LOC400499: variants seen among roughly 807,000 people sequenced by gnomAD.
chr16:11,463,535 T>G, the LOC400499 span, among the ~76,000 whole-genome samples: 1 of 152,206 alleles, frequency 6.6e-6, no homozygotes, highest in African/African-American at 2.4e-5. Context: ...TGTGTCTGTA[T>G]GTAGACATGT....
the LOC400499 span, among the ~76,000 whole-genome samples, chr16:11,429,886 G>A: frequency 6.6e-6 from 1 of 152,142 alleles, no homozygotes; most frequent in Admixed American, 6.5e-5. Context: ...AACTAGGAGG[G>A]TCACAATTCC....
At chr16:11,465,590 G>C in the LOC400499 span, 12 of 145,970 alleles carry the variant, frequency 8.2e-5, no homozygotes, top group African/African-American at 3.1e-4. Context: ...AACATAGTAA[G>C]ACCTCGTCTT....
At chr16:11,432,579 T>C in the LOC400499 span, among the ~76,000 whole-genome samples, 1 of 152,208 alleles carries the variant, frequency 6.6e-6, no homozygotes, top group African/African-American at 2.4e-5. Flanking sequence ...AGGGTCATAA[T>C]GAGTGATTGA....
chr16:11,440,925 C>G, the LOC400499 span: 1 of 399,106 alleles, frequency 2.5e-6, no homozygotes, highest in East Asian at 3.6e-5. Flanking sequence ...TCTGCCCAAT[C>G]TGGGGACCCA....
At chr16:11,477,946 G>A in the LOC400499 span, 2 of 399,014 alleles carry the variant, frequency 5.0e-6, no homozygotes, top group Non-Finnish European at 8.8e-6. Context: ...CAGACACGGT[G>A]GGAAAGACCA....
chr16:11,395,808 C>T, the LOC400499 span, among the ~76,000 whole-genome samples: 1 of 152,132 alleles, frequency 6.6e-6, no homozygotes, highest in African/African-American at 2.4e-5. Context: ...AGAGCACCTG[C>T]TACGTCACGT....
the LOC400499 span, chr16:11,484,776 G>C: frequency 4.2e-4 from 168 of 397,880 alleles, 2 homozygotes; most frequent in East Asian, 5.9e-3. Flanking sequence ...GGAGGAGGCA[G>C]AGTCAGAGTT....
At chr16:11,508,042 G>A in the LOC400499 span, among the ~76,000 whole-genome samples, 5 of 152,328 alleles carry the variant, frequency 3.3e-5, no homozygotes, top group Admixed American at 1.3e-4. Context: ...CTTTGCAGAT[G>A]TAATTAAGTT....
chr16:11,396,020 G>C, the LOC400499 span, among the ~76,000 whole-genome samples: 5 of 152,222 alleles, frequency 3.3e-5, no homozygotes, highest in Non-Finnish European at 5.9e-5. Flanking sequence ...GAGTAAGGAG[G>C]GGGAGGAGAT....
chr16:11,456,198 C>T, the LOC400499 span, among the ~76,000 whole-genome samples: 1 of 152,090 alleles, frequency 6.6e-6, no homozygotes, highest in Non-Finnish European at 1.5e-5. Flanking sequence ...GTGCCTGCCA[C>T]CACACATGGC....
the LOC400499 span, chr16:11,446,517 G>C: frequency 6.5e-7 from 1 of 1,527,018 alleles, no homozygotes; most frequent in Non-Finnish European, 8.8e-7. Context: ...GGGCTGGCTG[G>C]GGTGCAAAAG....
At chr16:11,504,663 C>T in the LOC400499 span, among the ~76,000 whole-genome samples, 841 of 152,142 alleles carry the variant, frequency 5.5e-3, 4 homozygotes, top group African/African-American at 0.019. Flanking sequence ...TGGCTCATGC[C>T]TGTAATGCCA....
chr16:11,516,376 G>A, the LOC400499 span: 2 of 398,612 alleles, frequency 5.0e-6, no homozygotes, highest in African/African-American at 4.1e-5. Flanking sequence ...ACTGCCAGAG[G>A]CCACAGCATC....
At chr16:11,464,122 G>A in the LOC400499 span, among the ~76,000 whole-genome samples, 1 of 151,570 alleles carries the variant, frequency 6.6e-6, no homozygotes, top group Non-Finnish European at 1.5e-5. Flanking sequence ...GTGGATGTTC[G>A]TGTATGTAAA....
chr16:11,387,538 ACACAGATGTC>A, the LOC400499 span, among the ~76,000 whole-genome samples: 1 of 152,138 alleles, frequency 6.6e-6, no homozygotes, highest in Non-Finnish European at 1.5e-5. Context: ...CATTTTGAGG[ACACAGATGTC>A]CGATGTCATG....
At chr16:11,462,542 GC>G in the LOC400499 span, 16 of 546,808 alleles carry the variant, frequency 2.9e-5, no homozygotes, top group East Asian at 2.2e-3. Context: ...TGATTCTCCT[GC>G]CTCAGCCTCC....
At chr16:11,409,064 C>A in the LOC400499 span, among the ~76,000 whole-genome samples, 1 of 151,702 alleles carries the variant, frequency 6.6e-6, no homozygotes, top group Non-Finnish European at 1.5e-5. Context: ...AGTTCAAGAC[C>A]AGCCCGGCCA....
the LOC400499 span, among the ~76,000 whole-genome samples, chr16:11,475,294 T>C: frequency 1.6e-4 from 25 of 152,294 alleles, no homozygotes; most frequent in African/African-American, 5.8e-4. Flanking sequence ...CAAACCTGCA[T>C]GTTCTGCACA....
chr16:11,456,940 C>T, the LOC400499 span: 1 of 1,536,302 alleles, frequency 6.5e-7, no homozygotes, highest in South Asian at 1.2e-5. Flanking sequence ...TTGTACTGCA[C>T]CTTCAGGTGA....
Sources: gnomAD v4.1 joint callset for allele counts (sites outside exome capture counted in the v4.1 genomes callset) on GRCh38, gnomAD v4.1.1 for gene constraint, MANE v1.5 for transcripts.